The following PPP1R16B variants were observed in gnomAD, a reference collection of about 807,000 sequenced individuals.
PPP1R16B encodes the protein protein phosphatase 1 regulatory subunit 16B.
A neutral mutation model predicts 61.7 loss-of-function variants in PPP1R16B; 14 were observed. The observed-to-expected ratio is 0.23, with a 90% confidence interval of 0.15 to 0.35. The LOEUF (loss-of-function observed/expected upper bound fraction) is 0.35. PPP1R16B is among the 10% of genes least tolerant of loss of function. PPP1R16B has a pLI of 1.00. For synonymous variants in PPP1R16B, 266 were observed against 305.3 expected (o/e 0.87, Z 1.34); for missense variants, 547 against 752.5 (o/e 0.73, Z 3.19).
chr20:38,887,024 A>G (rs1024156013), intron 2 of PPP1R16B, among the ~76,000 whole-genome samples: 5 of 152,104 alleles, frequency 3.3e-5, no homozygotes, highest in Non-Finnish European at 7.4e-5. Context: ...GTTTAAGCTG[A>G]GACCTAAAGG....
intron 2 of PPP1R16B, among the ~76,000 whole-genome samples, chr20:38,865,961 T>TA (rs1294500870): frequency 6.6e-6 from 1 of 151,858 alleles, no homozygotes; most frequent in East Asian, 1.9e-4. Context: ...CTGTCTCTAC[T>TA]AAAAATACAA....
chr20:38,903,586 C>T (rs1288854636), intron 6 of PPP1R16B, among the ~76,000 whole-genome samples: 2 of 131,580 alleles, frequency 1.5e-5, no homozygotes, highest in South Asian at 4.9e-4. Flanking sequence ...TCCGTCCATC[C>T]ATCCATCCAT....
At chr20:38,865,555 C>T (rs867215706) in intron 2 of PPP1R16B, among the ~76,000 whole-genome samples, 16 of 152,236 alleles carry the variant, frequency 1.1e-4, no homozygotes, top group Non-Finnish European at 1.8e-4. Context: ...CCTCCTAAAG[C>T]ACTGGGATTA....
At chr20:38,845,292 A>T (rs1043966251) in intron 2 of PPP1R16B, among the ~76,000 whole-genome samples, 7 of 152,024 alleles carry the variant, frequency 4.6e-5, no homozygotes, top group African/African-American at 1.7e-4. Context: ...TTAAAAAACA[A>T]CTTTTAGGGC....
At chr20:38,895,956 CTT>C (rs1568679111) in intron 4 of PPP1R16B, among the ~76,000 whole-genome samples, 21 of 105,756 alleles carry the variant, frequency 2.0e-4, no homozygotes, top group African/African-American at 7.6e-4. Flanking sequence ...TCCCTCCCTC[CTT>C]TCTTCTTTCT....
At chr20:38,904,241 C>CA (rs913417444) in intron 6 of PPP1R16B, among the ~76,000 whole-genome samples, 1 of 152,214 alleles carries the variant, frequency 6.6e-6, no homozygotes, top group African/African-American at 2.4e-5. Flanking sequence ...AGCCTCATTG[C>CA]AGCTCCAATG....
intron 1 of PPP1R16B, among the ~76,000 whole-genome samples, chr20:38,834,546 T>C (rs1481017385): frequency 6.6e-6 from 1 of 152,212 alleles, no homozygotes; most frequent in South Asian, 2.1e-4. Flanking sequence ...TTAAAGGTCA[T>C]CCAAAGAGAG....
chr20:38,871,379 G>T lies in PPP1R16B; in HGVS notation c.251-18216G>T, dbSNP rs1377110628. Among the ~76,000 whole-genome samples the T allele has an allele frequency of 5.3e-5, 8 of 152,030 alleles. No homozygotes were observed. In the East Asian group the frequency reaches 1.5e-3, roughly 29 times the overall value. ...TCAATAGGAGGCAAATGCCCTCAGG[G>T]TCACCTCTGGGCCAGTATGCATTCT... On this transcript the variant is annotated intron_variant, in intron 2 of 10. Coordinates refer to ENST00000299824, the MANE Select transcript of PPP1R16B (RefSeq NM_015568.4).
intron 1 of PPP1R16B, among the ~76,000 whole-genome samples, chr20:38,820,325 G>A (rs1265058428): frequency 1.3e-5 from 2 of 152,152 alleles, no homozygotes; most frequent in East Asian, 3.9e-4. Context: ...TTGGGAGGCC[G>A]AGGCGAGCGG....
At chr20:38,807,761 G>T (rs1279409792) in intron 1 of PPP1R16B, among the ~76,000 whole-genome samples, 1 of 152,130 alleles carries the variant, frequency 6.6e-6, no homozygotes, top group Non-Finnish European at 1.5e-5. Flanking sequence ...ACCTAACAGT[G>T]TTCCCCTGTC....
rs907617949 is a variant in PPP1R16B, at chr20:38,906,283, G to GTT, written c.822+216_822+217dup. 5.7e-3 allele frequency among the ~76,000 whole-genome samples: 574 copies of GTT among 101,236 alleles called. 82 individuals are homozygous for GTT. The highest frequency in any genetic ancestry group is 0.036 in the East Asian group (91 of 2,544). The allele number at this position is 101,236 out of a possible 152,430, so 66.4% of individuals were successfully genotyped here. A position where few individuals can be genotyped will look rare whatever the true frequency, so the allele number is the denominator to read the frequency against. On this transcript the variant is annotated intron_variant, in intron 7 of 10. Transcript: ENST00000299824. ...AAAAACATTGGACAAAGCAAGTTGT[G>GTT]TTTTTTTTTTTTTTTTTTTTTTTTT...
chr20:38,886,729 T>C (rs924195675), intron 2 of PPP1R16B, among the ~76,000 whole-genome samples: 2 of 152,222 alleles, frequency 1.3e-5, no homozygotes, highest in Non-Finnish European at 2.9e-5. Flanking sequence ...GAGTCAGCCC[T>C]TGAGGGTGAT....
At chr20:38,841,823 C>T (rs991191698) in intron 2 of PPP1R16B, among the ~76,000 whole-genome samples, 14 of 152,138 alleles carry the variant, frequency 9.2e-5, no homozygotes, top group Non-Finnish European at 2.9e-5. Flanking sequence ...TTTTGTTTAT[C>T]CATTCACCAG....
rs182763108 is a variant in PPP1R16B, at chr20:38,828,176, C to T, written c.-101-7649C>T. Among the ~76,000 whole-genome samples the T allele has an allele frequency of 3.3e-3, 505 of 152,300 alleles. 2 individuals carry two copies. The highest frequency in any genetic ancestry group is 6.8e-3 in the Middle Eastern group (2 of 294). The stretch of plus-strand genomic sequence containing the variant: ...GGCTTGAGTCCAAAAATGTGTCAAC[C>T]GACTGCTCCCCCAGAATTAAGCAGT... On this transcript the variant is annotated intron_variant, in intron 1 of 10. Coordinates refer to ENST00000299824, the MANE Select transcript of PPP1R16B (RefSeq NM_015568.4).
intron 2 of PPP1R16B, among the ~76,000 whole-genome samples, chr20:38,861,370 G>A (rs1380584832): frequency 6.6e-6 from 1 of 152,228 alleles, no homozygotes; most frequent in Non-Finnish European, 1.5e-5. Flanking sequence ...CCCACTGAGG[G>A]AGGTAGATTT....
rs1008792112 is a variant in PPP1R16B at position 38,920,776 on chromosome 20, C to G, written c.*2110C>G. Reference sequence around the variant, plus strand: ...GCTGAAGACAGGTGCACAGATGCTTCCCACGACCTTGCCATTTGGGGTGGG... The same window carrying G: ...GCTGAAGACAGGTGCACAGATGCTTGCCACGACCTTGCCATTTGGGGTGGG... On this transcript the variant is annotated 3_prime_UTR_variant, in exon 11 of 11. Transcript: ENST00000299824. The G allele has an allele frequency of 6.6e-6, 1 of 152,564 alleles. No individual in the cohort carries two copies. Among genetic ancestry groups the G allele is most frequent in the Non-Finnish European group, 1.5e-5 (1 of 68,342 alleles). 9.5% of individuals were successfully genotyped at this position (152,564 alleles called of 1,614,324 possible).
chr20:38,861,965 G>A (rs768590651), intron 2 of PPP1R16B, among the ~76,000 whole-genome samples: 3 of 152,128 alleles, frequency 2.0e-5, no homozygotes, highest in Admixed American at 6.6e-5. Context: ...GTGAGCCACC[G>A]TGCCTGGCCT....
intron 2 of PPP1R16B, among the ~76,000 whole-genome samples, chr20:38,851,563 G>A (rs1207994282): frequency 1.3e-5 from 2 of 152,186 alleles, no homozygotes; most frequent in African/African-American, 4.8e-5. Context: ...AGCAATTCAT[G>A]CACAGACATT....
Position 38,823,675 on chromosome 20 carries a change from A to T in PPP1R16B, c.-101-12150A>T, listed in dbSNP as rs147246206. ...AACAAAACAAATCCAAAAAACACAC[A>T]AAAATGCTCACTGAAAAAAGGAGCA... On this transcript the variant is annotated intron_variant, in intron 1 of 10. Coordinates refer to ENST00000299824, the MANE Select transcript of PPP1R16B (RefSeq NM_015568.4). Among the ~76,000 whole-genome samples the T allele has an allele frequency of 8.0e-4, 121 of 152,176 alleles. 1 individual carries two copies. The East Asian group carries it at 0.021, about 26-fold the overall frequency.
Sources: gnomAD v4.1 joint callset for allele counts (sites outside exome capture counted in the v4.1 genomes callset) on GRCh38, gnomAD v4.1.1 for gene constraint, MANE v1.5 for transcripts, NCBI Gene and HGNC (gene_info 2026-07-23, HGNC 2026-07-21) for gene names.